The following CDH12 variants were observed in gnomAD, a reference collection of about 807,000 sequenced individuals.
CDH12 encodes the protein cadherin 12.
CDH12 carries 41 observed loss-of-function variants against 74.1 expected under a neutral mutation model. The ratio of observed to expected loss-of-function variants is 0.55; its 90% CI spans 0.43 to 0.72. The LOEUF is 0.72. Ranked by LOEUF, CDH12 falls within the 30% of genes least tolerant of loss-of-function variation. The pLI is 0.00. For missense variants in CDH12, 945 were observed against 977.2 expected (o/e 0.97, Z 0.44); for synonymous variants, 399 against 355.0 (o/e 1.12, Z -1.39).
At chr5:21,938,254 G>A (rs1008032304) in intron 6 of CDH12, among the ~76,000 whole-genome samples, 4 of 152,008 alleles carry the variant, frequency 2.6e-5, no homozygotes, top group African/African-American at 7.3e-5. Context: ...TTTTGTATAA[G>A]TTGAGGTTAA....
chr5:22,796,271 CT>C (rs1748203859), intron 1 of CDH12, among the ~76,000 whole-genome samples: 1 of 152,108 alleles, frequency 6.6e-6, no homozygotes. Context: ...CTTCCATACT[CT>C]TGTCCATAAT....
At chr5:21,944,220 C>G (rs1755466989) in intron 6 of CDH12, among the ~76,000 whole-genome samples, 1 of 152,160 alleles carries the variant, frequency 6.6e-6, no homozygotes, top group African/African-American at 2.4e-5. Flanking sequence ...TTATTACTAA[C>G]AGTTTAGTGC....
chr5:22,512,123 G>A (rs938290218), intron 1 of CDH12, among the ~76,000 whole-genome samples: 2 of 152,104 alleles, frequency 1.3e-5, no homozygotes, highest in African/African-American at 4.8e-5. Flanking sequence ...ACTAAGATGA[G>A]TTATAGATAC....
At chr5:22,225,135 C>T (rs564020419) in intron 3 of CDH12, among the ~76,000 whole-genome samples, 2 of 151,970 alleles carry the variant, frequency 1.3e-5, no homozygotes, top group African/African-American at 4.8e-5. Flanking sequence ...TTTACCATAA[C>T]GATTCGGTTG....
intron 1 of CDH12, among the ~76,000 whole-genome samples, chr5:22,766,870 T>G (rs1746541623): frequency 6.6e-6 from 1 of 152,052 alleles, no homozygotes; most frequent in Non-Finnish European, 1.5e-5. Flanking sequence ...TTACACAATT[T>G]TATCTAAGGA....
chr5:22,443,218 C>A (rs567898938), intron 2 of CDH12, among the ~76,000 whole-genome samples: 1 of 152,214 alleles, frequency 6.6e-6, no homozygotes, highest in Admixed American at 6.5e-5. Context: ...GTGTGATTTG[C>A]TTCCTACTCC....
intron 3 of CDH12, among the ~76,000 whole-genome samples, chr5:22,262,505 C>T (rs1351669332): frequency 4.0e-5 from 6 of 151,280 alleles, no homozygotes; most frequent in Non-Finnish European, 5.9e-5. Context: ...TTTCTTAATC[C>T]AGTCTATCAT....
chr5:22,133,724 T>A (rs1256788494), intron 4 of CDH12, among the ~76,000 whole-genome samples: 1 of 152,096 alleles, frequency 6.6e-6, no homozygotes, highest in Admixed American at 6.6e-5. Flanking sequence ...TTGTTTATAT[T>A]CTATACATCT....
intron 1 of CDH12, among the ~76,000 whole-genome samples, chr5:22,658,282 A>T (rs1740160936): frequency 6.6e-6 from 1 of 152,122 alleles, no homozygotes; most frequent in African/African-American, 2.4e-5. Context: ...TTCATATAAA[A>T]TACCCATATA....
At chr5:22,486,953 G>C (rs1476393843) in intron 2 of CDH12, among the ~76,000 whole-genome samples, 5 of 152,078 alleles carry the variant, frequency 3.3e-5, no homozygotes, top group Admixed American at 2.0e-4. Context: ...CCTAACTTAG[G>C]GGTCAGAGAG....
intron 1 of CDH12, among the ~76,000 whole-genome samples, chr5:22,579,551 T>C (rs1196188704): frequency 6.6e-6 from 1 of 152,170 alleles, no homozygotes; most frequent in Non-Finnish European, 1.5e-5. Flanking sequence ...TATATTGTTG[T>C]TCTGATGAAA....
intron 1 of CDH12, among the ~76,000 whole-genome samples, chr5:22,734,559 G>T (rs769022161): frequency 1.3e-5 from 2 of 151,872 alleles, no homozygotes; most frequent in Non-Finnish European, 1.5e-5. Flanking sequence ...TCAAGGGCTG[G>T]CTGGTTTAAA....
chr5:22,045,178 G>T (rs1473746633), intron 5 of CDH12, among the ~76,000 whole-genome samples: 1 of 152,166 alleles, frequency 6.6e-6, no homozygotes, highest in African/African-American at 2.4e-5. Context: ...ATGGCCAACT[G>T]TATGTGATGA....
intron 1 of CDH12, among the ~76,000 whole-genome samples, chr5:22,795,940 G>C (rs958602096): frequency 7.2e-5 from 11 of 152,072 alleles, no homozygotes; most frequent in Admixed American, 2.6e-4. Flanking sequence ...TAACATATAA[G>C]TGTTAAGTTA....
chr5:22,331,776 A>T (rs1739361834), intron 3 of CDH12, among the ~76,000 whole-genome samples: 1 of 152,252 alleles, frequency 6.6e-6, no homozygotes, highest in South Asian at 2.1e-4. Flanking sequence ...ACAGAGAAGT[A>T]ATTCAGAATT....
chr5:22,736,275 T>C (rs1346688484), intron 1 of CDH12, among the ~76,000 whole-genome samples: 1 of 151,830 alleles, frequency 6.6e-6, no homozygotes, highest in Non-Finnish European at 1.5e-5. Flanking sequence ...TCCAGTTAGA[T>C]ATTTTAGTAT....
chr5:21,762,001 A>G (rs1295188021), intron 12 of CDH12, among the ~76,000 whole-genome samples: 1 of 152,168 alleles, frequency 6.6e-6, no homozygotes, highest in Non-Finnish European at 1.5e-5. Flanking sequence ...ATGAATCAAC[A>G]TACAGACCCT....
chr5:22,415,225 ATG>A (rs34385721), intron 2 of CDH12, among the ~76,000 whole-genome samples: 31,594 of 152,072 alleles, frequency 0.21, 3,715 homozygotes, highest in African/African-American at 0.31. Flanking sequence ...AATTGACACA[ATG>A]TTTTTTTTTG....
intron 6 of CDH12, among the ~76,000 whole-genome samples, chr5:21,903,525 A>G (rs12516171): frequency 0.73 from 111,239 of 151,960 alleles, 43,299 homozygotes; most frequent in Non-Finnish European, 0.86. Context: ...AAGGGGGAAA[A>G]GAGTGTCTTG....
Sources: allele counts gnomAD v4.1 joint callset (sites outside exome capture counted in the v4.1 genomes callset), GRCh38; gene constraint gnomAD v4.1.1; transcripts MANE v1.5; gene names NCBI Gene and HGNC (gene_info 2026-07-23, HGNC 2026-07-21).